PDE4DIP: variants seen among roughly 807,000 people sequenced by gnomAD.
The protein encoded by PDE4DIP is phosphodiesterase 4D interacting protein.
In PDE4DIP, 59 loss-of-function variants were observed where a neutral mutation model predicts 221.4. The observed-to-expected ratio is 0.27, with a 90% CI of 0.22 to 0.33. The LOEUF is 0.33. PDE4DIP is among the 10% of genes least tolerant of loss of function. The probability of loss-of-function intolerance (pLI) is 1.00; values close to 1 mark genes in which losing one functional copy is unlikely to be tolerated. For missense variants in PDE4DIP, 1,036 were observed against 2,154.2 expected, an observed-to-expected ratio of 0.48 and a Z score of 10.28; for synonymous variants, 404 against 815.9, an observed-to-expected ratio of 0.50 and a Z score of 8.60.
intron 41 of PDE4DIP, among the ~76,000 whole-genome samples, chr1:149,029,291 C>G (rs1214493133): frequency 6.6e-6 from 1 of 152,196 alleles, no homozygotes; most frequent in Admixed American, 6.5e-5. Flanking sequence ...GATTCTACTT[C>G]CAGGTCAATG....
intron 1 of PDE4DIP, among the ~76,000 whole-genome samples, chr1:148,861,658 GAGAA>G (rs1376220956): frequency 3.2e-4 from 37 of 116,300 alleles, no homozygotes; most frequent in Middle Eastern, 3.9e-3. Flanking sequence ...AAAAAAAAGA[GAGAA>G]AGAGAGAAGT....
At chr1:148,925,523 C>G (rs2046499652) in intron 1 of PDE4DIP, among the ~76,000 whole-genome samples, 1 of 140,176 alleles carries the variant, frequency 7.1e-6, no homozygotes, top group South Asian at 2.5e-4. Context: ...CCAAATTGGT[C>G]AAAGCATTGA....
chr1:148,956,418 A>G (rs1553502474), intron 5 of PDE4DIP, among the ~76,000 whole-genome samples: 1 of 149,630 alleles, frequency 6.7e-6, no homozygotes, highest in Non-Finnish European at 1.5e-5. Flanking sequence ...TTTCTTATTT[A>G]TTAAAGAAAA....
chr1:148,978,555 G>A, intron 19 of PDE4DIP, 140 bp downstream of exon 22: 1 of 565,682 alleles, frequency 1.8e-6, no homozygotes, highest in Non-Finnish European at 3.1e-6. Context: ...ATCCTCCTCG[G>A]CCCCTCAAAG....
intron 21 of PDE4DIP, chr1:148,984,286 T>A (rs1365022637): frequency 6.6e-6 from 1 of 152,104 alleles, no homozygotes; most frequent in Non-Finnish European, 1.5e-5. Flanking sequence ...CATTCAGTTG[T>A]GGACAGCAGT....
At chr1:149,005,472 G>C (rs782173682) in intron 27 of PDE4DIP, 35 bp downstream of exon 30, 1 of 1,379,392 alleles carries the variant, frequency 7.2e-7, no homozygotes, top group African/African-American at 1.4e-5. Flanking sequence ...TTTCTTGATT[G>C]AAAATGTGTA....
chr1:148,823,062 G>GT (rs1405740487), intron 1 of PDE4DIP, among the ~76,000 whole-genome samples: 2 of 5,116 alleles, frequency 3.9e-4, no homozygotes, highest in African/African-American at 9.2e-4. Context: ...TTTTTCCTAG[G>GT]TTTGCTTTTT....
intron 5 of PDE4DIP, among the ~76,000 whole-genome samples, chr1:148,940,371 C>A (rs1354090788): frequency 6.6e-6 from 1 of 152,150 alleles, no homozygotes; most frequent in Non-Finnish European, 1.5e-5. Context: ...GCTTTTTAAA[C>A]ATTGCCTAAT....
intron 19 of PDE4DIP, among the ~76,000 whole-genome samples, chr1:148,979,020 C>G (rs2060657436): frequency 6.7e-6 from 1 of 149,460 alleles, no homozygotes; most frequent in Non-Finnish European, 1.5e-5. Context: ...TAACCATGTT[C>G]AGATCTCTCC....
chr1:148,966,453 G>GTTT, intron 10 of PDE4DIP, 90 bp from the exon 14 acceptor site: 1 of 522,330 alleles, frequency 1.9e-6, no homozygotes, highest in Non-Finnish European at 3.4e-6. Context: ...ATCACATCTT[G>GTTT]TTTTTTTTTT....
rs1222868304 is a variant in PDE4DIP at position 148,952,037 on chromosome 1, G to A, written c.637-8617G>A. 16 of 1,009,188 alleles carry A rather than the reference G, an allele frequency of 1.6e-5. No individual in the cohort carries two copies. The African/African-American group carries it at 2.2e-4, about 14-fold the overall frequency. 62.5% of individuals were successfully genotyped at this position (1,009,188 alleles called of 1,614,324 possible). A position where few individuals can be genotyped will look rare whatever the true frequency, so the allele number is the denominator to read the frequency against. On this transcript the variant is annotated intron_variant, in intron 5 of 43. Coordinates refer to ENST00000369354, the Ensembl canonical transcript of PDE4DIP. ...CGGCGCTGCCCCGCTGGCAGCCGGA[G>A]GACGTGGCACTGTCCGAGAATGCAG...
At chr1:149,001,137 T>C (rs61807904) in intron 23 of PDE4DIP, among the ~76,000 whole-genome samples, 1 of 152,302 alleles carries the variant, frequency 6.6e-6, no homozygotes, top group African/African-American at 2.4e-5. Flanking sequence ...TTCTGATTAG[T>C]GTTATTTATT....
chr1:148,997,807 G>A, intron 22 of PDE4DIP, among the ~76,000 whole-genome samples: 1 of 151,466 alleles, frequency 6.6e-6, no homozygotes, highest in South Asian at 2.1e-4. Context: ...GTCTCCTCAG[G>A]AAGAGAAAGA....
At chr1:148,936,730 T>C (rs1248362118) in intron 4 of PDE4DIP, among the ~76,000 whole-genome samples, 16 of 152,210 alleles carry the variant, frequency 1.1e-4, no homozygotes, top group Non-Finnish European at 1.8e-4. Flanking sequence ...TTTTTACTTT[T>C]TAAACTTTTT....
At chr1:149,016,888 C>T (rs1210597066) in intron 33 of PDE4DIP, among the ~76,000 whole-genome samples, 1 of 152,288 alleles carries the variant, frequency 6.6e-6, no homozygotes, top group South Asian at 2.1e-4. Context: ...TTTCTTCCAT[C>T]AGTCAGGACT....
At chr1:148,929,569 A>C (rs2047390688) in intron 2 of PDE4DIP, 2 of 332,902 alleles carry the variant, frequency 6.0e-6, no homozygotes, top group Admixed American at 9.0e-5. Context: ...TAGTAGAGAC[A>C]AATGCAAATA....
intron 1 of PDE4DIP, among the ~76,000 whole-genome samples, chr1:148,898,894 T>G (rs1232633282): frequency 8.8e-6 from 1 of 113,506 alleles, no homozygotes; most frequent in African/African-American, 3.9e-5. Context: ...TGCAGTGGCA[T>G]GATCTCGGCT....
At chr1:148,956,204 G>A (rs1212433509) in intron 5 of PDE4DIP, among the ~76,000 whole-genome samples, 2 of 151,842 alleles carry the variant, frequency 1.3e-5, no homozygotes, top group Non-Finnish European at 2.9e-5. Flanking sequence ...AGAAAAAAAT[G>A]TTTCCTTTAG....
chr1:148,973,275 G>T (rs1254045289), intron 16 of PDE4DIP, among the ~76,000 whole-genome samples: 1 of 152,022 alleles, frequency 6.6e-6, no homozygotes, highest in Admixed American at 6.5e-5. Context: ...GACTACAGGC[G>T]CCAGCCACCA....
Sources: allele counts gnomAD v4.1 joint callset (sites outside exome capture counted in the v4.1 genomes callset), GRCh38; gene constraint gnomAD v4.1.1; transcripts MANE v1.5; gene names NCBI Gene and HGNC (gene_info 2026-07-23, HGNC 2026-07-21).